FCHSD2: variants seen among roughly 807,000 people sequenced by gnomAD.
FCHSD2 encodes F-BAR and double SH3 domains protein 2.
Under a neutral mutation model 108.1 loss-of-function variants are expected in FCHSD2, and 38 were observed. The ratio of observed to expected loss-of-function variants is 0.35; its 90% CI spans 0.27 to 0.46. FCHSD2 has a LOEUF of 0.46. Ranked by LOEUF, FCHSD2 falls within the 20% of genes least tolerant of loss-of-function variation. The pLI is 1.00. For synonymous variants in FCHSD2, 279 were observed against 314.7 expected (o/e 0.89, Z 1.20); for missense variants, 751 against 897.8 (o/e 0.84, Z 2.09).
chr11:72,904,464 C>T (rs1352762260), intron 9 of FCHSD2, among the ~76,000 whole-genome samples: 1 of 152,200 alleles, frequency 6.6e-6, no homozygotes, highest in East Asian at 1.9e-4. Context: ...CTCATGTCTT[C>T]ATCACCCAGT....
At chr11:73,104,729 C>A (rs939160929) in intron 2 of FCHSD2, among the ~76,000 whole-genome samples, 1 of 151,496 alleles carries the variant, frequency 6.6e-6, no homozygotes, top group Non-Finnish European at 1.5e-5. Context: ...CCACCGCACC[C>A]GGCTAATTTT....
At chr11:73,048,513 G>C (rs1370500049) in intron 3 of FCHSD2, among the ~76,000 whole-genome samples, 3 of 152,194 alleles carry the variant, frequency 2.0e-5, no homozygotes, top group African/African-American at 7.2e-5. Context: ...GAATCTGCAG[G>C]TTGGCTAGAG....
At chr11:72,908,422 G>A (rs568976088) in intron 9 of FCHSD2, among the ~76,000 whole-genome samples, 1 of 152,150 alleles carries the variant, frequency 6.6e-6, no homozygotes, top group Non-Finnish European at 1.5e-5. Flanking sequence ...TGAATCATAA[G>A]GCAGTTCTAT....
intron 2 of FCHSD2, among the ~76,000 whole-genome samples, chr11:73,086,265 TG>T (rs2135517207): frequency 6.6e-6 from 1 of 152,118 alleles, no homozygotes; most frequent in South Asian, 2.1e-4. Context: ...AAAAATTAGC[TG>T]GGCGTGGTGG....
At chr11:73,010,339 T>C (rs549809554) in intron 4 of FCHSD2, among the ~76,000 whole-genome samples, 1 of 152,372 alleles carries the variant, frequency 6.6e-6, no homozygotes, top group African/African-American at 2.4e-5. Context: ...AGAATTTTCT[T>C]GTATCTCATT....
In FCHSD2 at chr11:72,921,897, G is replaced by T; in HGVS notation, c.759C>A (p.Ser253Arg). 6.2e-7 allele frequency: 1 copy of T among 1,603,310 alleles called. No homozygotes were observed. The highest frequency in any genetic ancestry group is 1.7e-5 in the Admixed American group (1 of 58,672). ...DHLKDYLIAFSRTELETCQAV... is the reference protein window; with the variant it reads ...DHLKDYLIAFRRTELETCQAV... Reference sequence around the variant, plus strand: ...CTTGGCATGTTTCTAGCTCAGTCCGGCTGAAGGCTATTAAATAATCCTTGA... The same window carrying T: ...CTTGGCATGTTTCTAGCTCAGTCCGTCTGAAGGCTATTAAATAATCCTTGA... The change falls in exon 9 of 20, where the codon AGC becomes AGA. Residue 253 changes from serine (S) to arginine (R), a missense_variant. Ser to Arg is a moderately radical substitution (Grantham distance 110). Coordinates refer to ENST00000409418, the MANE Select transcript of FCHSD2 (RefSeq NM_014824.3).
At chr11:72,911,447 T>C (rs896985495) in intron 9 of FCHSD2, among the ~76,000 whole-genome samples, 5 of 152,196 alleles carry the variant, frequency 3.3e-5, no homozygotes, top group African/African-American at 1.2e-4. Flanking sequence ...TCAGGATAGC[T>C]GGATAGCTTT....
intron 13 of FCHSD2, among the ~76,000 whole-genome samples, chr11:72,860,013 T>A (rs976735685): frequency 6.6e-6 from 1 of 152,160 alleles, no homozygotes. Flanking sequence ...GGTTTCAGGA[T>A]GAAACTGTTC....
chr11:73,074,972 A>G (rs1019817346), intron 3 of FCHSD2, among the ~76,000 whole-genome samples: 3 of 152,288 alleles, frequency 2.0e-5, no homozygotes, highest in African/African-American at 4.8e-5. Flanking sequence ...CCATAAATCA[A>G]TAAGAGAAAA....
intron 8 of FCHSD2, among the ~76,000 whole-genome samples, chr11:72,958,951 T>A (rs1856766882): frequency 6.6e-6 from 1 of 150,676 alleles, no homozygotes; most frequent in African/African-American, 2.4e-5. Flanking sequence ...TTTTCTTGCT[T>A]CGGCACTCCT....
intron 3 of FCHSD2, among the ~76,000 whole-genome samples, chr11:73,067,912 C>T (rs1284170984): frequency 6.6e-6 from 1 of 152,174 alleles, no homozygotes; most frequent in African/African-American, 2.4e-5. Flanking sequence ...GATTAATGGA[C>T]TGATAGTTCC....
chr11:72,919,135 T>A (rs974397398), intron 9 of FCHSD2, among the ~76,000 whole-genome samples: 6 of 152,102 alleles, frequency 3.9e-5, no homozygotes, highest in Admixed American at 2.6e-4. Flanking sequence ...AAAAAAAATC[T>A]AAAAAGTGTC....
chr11:72,950,567 C>T (rs1302361732), intron 8 of FCHSD2, among the ~76,000 whole-genome samples: 2 of 152,086 alleles, frequency 1.3e-5, no homozygotes, highest in African/African-American at 4.8e-5. Flanking sequence ...TGTGCCAGTA[C>T]AATTTGTTGA....
intron 12 of FCHSD2, among the ~76,000 whole-genome samples, chr11:72,877,584 A>G (rs1318540777): frequency 4.6e-5 from 7 of 152,218 alleles, no homozygotes; most frequent in Admixed American, 4.6e-4. Flanking sequence ...AGTCTCTTAG[A>G]GATATATTTA....
chr11:73,090,449 T>A (rs1185515471), intron 2 of FCHSD2, among the ~76,000 whole-genome samples: 3 of 152,054 alleles, frequency 2.0e-5, no homozygotes, highest in African/African-American at 7.2e-5. Context: ...ATGGTCTCGA[T>A]CTGCTGACCT....
intron 2 of FCHSD2, among the ~76,000 whole-genome samples, chr11:73,084,513 C>T (rs1262049611): frequency 2.6e-5 from 4 of 152,172 alleles, no homozygotes; most frequent in Admixed American, 2.6e-4. Flanking sequence ...ACCTCAGCCT[C>T]CTAAGTAGCT....
At chr11:72,908,178 C>T (rs376089245) in intron 9 of FCHSD2, among the ~76,000 whole-genome samples, 26 of 152,224 alleles carry the variant, frequency 1.7e-4, no homozygotes, top group African/African-American at 5.3e-4. Flanking sequence ...TAATGACCTC[C>T]AGTTTTATCT....
At chr11:72,848,063 T>C (rs1349654242) in intron 14 of FCHSD2, among the ~76,000 whole-genome samples, 1 of 152,174 alleles carries the variant, frequency 6.6e-6, no homozygotes, top group Non-Finnish European at 1.5e-5. Context: ...GTCTGGACTA[T>C]AAGAATTATG....
intron 3 of FCHSD2, chr11:73,077,597 CA>C: frequency 2.3e-6 from 1 of 425,744 alleles, no homozygotes. Context: ...TTATAATACT[CA>C]AAAAACAGAA....
Sources: gnomAD v4.1 joint callset for allele counts (sites outside exome capture counted in the v4.1 genomes callset) on GRCh38, gnomAD v4.1.1 for gene constraint, MANE v1.5 for transcripts, NCBI Gene and HGNC (gene_info 2026-07-23, HGNC 2026-07-21) for gene names.